FRRS1L: variants seen among roughly 807,000 people sequenced by gnomAD.
FRRS1L encodes ferric chelate reductase 1 like, also known as DOMON domain-containing protein FRRS1L.
Under a neutral mutation model 28.6 loss-of-function variants are expected in FRRS1L, and 22 were observed. That is an observed-to-expected ratio of 0.77 (90% CI 0.55 to 1.10). FRRS1L has a LOEUF of 1.10. FRRS1L is among the 50% of genes least tolerant of loss of function. The probability of loss-of-function intolerance (pLI) is 0.00; values close to 1 mark genes in which losing one functional copy is unlikely to be tolerated. For missense variants in FRRS1L, 380 were observed against 386.9 expected, an observed-to-expected ratio of 0.98 and a Z score of 0.15; for synonymous variants, 158 against 151.4, an observed-to-expected ratio of 1.04 and a Z score of -0.32.
intron 1 of FRRS1L, among the ~76,000 whole-genome samples, chr9:109,157,574 G>A (rs1430270606): frequency 6.6e-6 from 1 of 151,864 alleles, no homozygotes; most frequent in African/African-American, 2.4e-5. Flanking sequence ...TTTTTGTAGG[G>A]AATATGTTGC....
chr9:109,160,959 A>G (rs776520331), intron 1 of FRRS1L, among the ~76,000 whole-genome samples: 2 of 151,674 alleles, frequency 1.3e-5, no homozygotes, highest in Non-Finnish European at 2.9e-5. Context: ...TGCCCGGCTA[A>G]TTTTTGTATT....
At chr9:109,144,608 A>G (rs1588098317) in intron 3 of FRRS1L, among the ~76,000 whole-genome samples, 1 of 151,688 alleles carries the variant, frequency 6.6e-6, no homozygotes, top group South Asian at 2.1e-4. Context: ...CAAGCAATCC[A>G]CCTGCTTCAG....
At chr9:109,137,790 A>C in intron 4 of FRRS1L, 163 bp from the exon 5 acceptor site, 1 of 395,378 alleles carries the variant, frequency 2.5e-6, no homozygotes, top group Non-Finnish European at 4.5e-6. Flanking sequence ...ATTCTCTATC[A>C]TTGTACATAT....
chr9:109,160,017 A>G (rs1236450206), intron 1 of FRRS1L, among the ~76,000 whole-genome samples: 2 of 152,182 alleles, frequency 1.3e-5, no homozygotes, highest in African/African-American at 4.8e-5. Flanking sequence ...TTTTCAAAGA[A>G]TCACTTTAGG....
chr9:109,147,298 T>C (rs1025609064), intron 2 of FRRS1L, 109 bp from the exon 3 acceptor site: 6 of 923,630 alleles, frequency 6.5e-6, no homozygotes, highest in Non-Finnish European at 1.0e-5. Flanking sequence ...TTAAACACAT[T>C]GGATTTTTGC....
rs530697862 is a variant in FRRS1L at position 109,151,383 on chromosome 9, C to G, written c.239-1663G>C. 458 of 153,712 alleles carry G rather than the reference C, an allele frequency of 3.0e-3. 3 individuals are homozygous for G. Among genetic ancestry groups the G allele is most frequent in the Non-Finnish European group, 3.9e-3 (271 of 69,028 alleles). The allele number at this position is 153,712 out of a possible 1,614,324, so 9.5% of individuals were successfully genotyped here. On this transcript the variant is annotated intron_variant, in intron 1 of 4. Coordinates refer to ENST00000561981, the MANE Select transcript of FRRS1L (RefSeq NM_014334.4). ...CTTCACCTGTATTTATAGCCACTCCCCATGGCTTGCATAACTGCCTGAGCT... is the reference window on the plus strand; with the variant it reads ...CTTCACCTGTATTTATAGCCACTCCGCATGGCTTGCATAACTGCCTGAGCT...
rs1343211153 is a variant in FRRS1L, at chr9:109,131,107, CAAAG to C, written c.*6344_*6347del. ...GCAAGTCTTTTATTAAATATAAAAA[CAAAG>C]AAATCTACCTTGAAACTAAATAACT... is the stretch of plus-strand genomic sequence containing the variant. On this transcript the variant is annotated 3_prime_UTR_variant, in exon 5 of 5. Coordinates refer to ENST00000561981, the MANE Select transcript of FRRS1L (RefSeq NM_014334.4). The C allele has an allele frequency of 7.9e-5, 12 of 152,242 alleles. No homozygotes were observed. Among genetic ancestry groups the C allele is most frequent in the Admixed American group, 2.6e-4 (4 of 15,284 alleles). The allele number at this position is 152,242 out of a possible 1,614,324, so 9.4% of individuals were successfully genotyped here. A position where few individuals can be genotyped will look rare whatever the true frequency, so the allele number is the denominator to read the frequency against.
chr9:109,164,545 T>C (rs1203764151), intron 1 of FRRS1L, among the ~76,000 whole-genome samples: 5 of 151,988 alleles, frequency 3.3e-5, no homozygotes, highest in Non-Finnish European at 7.4e-5. Context: ...ATTACAGGCG[T>C]GCACCACCAC....
At chr9:109,142,510 AT>A (rs201338767) in intron 3 of FRRS1L, among the ~76,000 whole-genome samples, 4 of 151,848 alleles carry the variant, frequency 2.6e-5, no homozygotes, top group African/African-American at 2.4e-5. Flanking sequence ...TCTCAAAAAA[AT>A]AAAATAAAAT....
intron 4 of FRRS1L, chr9:109,138,332 T>G (rs527936709): frequency 1.3e-5 from 2 of 152,378 alleles, no homozygotes; most frequent in East Asian, 3.9e-4. Flanking sequence ...AAGTACAGAC[T>G]GTGTGTAAAA....
At chr9:109,154,897 T>C (rs1205472405) in intron 1 of FRRS1L, among the ~76,000 whole-genome samples, 1 of 152,224 alleles carries the variant, frequency 6.6e-6, no homozygotes, top group Non-Finnish European at 1.5e-5. Flanking sequence ...CCATTCTATG[T>C]AGCATGGAAT....
intron 1 of FRRS1L, among the ~76,000 whole-genome samples, chr9:109,153,690 T>C (rs1289229493): frequency 2.0e-5 from 3 of 152,202 alleles, no homozygotes; most frequent in Non-Finnish European, 4.4e-5. Flanking sequence ...GACAATCTTA[T>C]TGTGAACTGT....
chr9:109,159,027 A>T (rs961613249), intron 1 of FRRS1L, among the ~76,000 whole-genome samples: 1 of 152,182 alleles, frequency 6.6e-6, no homozygotes, highest in African/African-American at 2.4e-5. Context: ...GTGAAATGGT[A>T]TCTCTTTATG....
At chr9:109,142,150 T>A (rs1477216679) in intron 3 of FRRS1L, among the ~76,000 whole-genome samples, 1 of 152,134 alleles carries the variant, frequency 6.6e-6, no homozygotes, top group Non-Finnish European at 1.5e-5. Context: ...ACTTCCTGAA[T>A]TTAATAAACT....
intron 1 of FRRS1L, among the ~76,000 whole-genome samples, chr9:109,155,883 C>T (rs932839123): frequency 5.3e-5 from 8 of 150,638 alleles, no homozygotes; most frequent in African/African-American, 1.7e-4. Context: ...GATGCACAAC[C>T]CTGTGAATAT....
At chr9:109,141,806 C>G (rs919272510) in intron 3 of FRRS1L, among the ~76,000 whole-genome samples, 1 of 152,062 alleles carries the variant, frequency 6.6e-6, no homozygotes, top group Non-Finnish European at 1.5e-5. Flanking sequence ...GACATTACCA[C>G]CTATGTGGTA....
At chr9:109,143,850 G>C (rs1831220739) in intron 3 of FRRS1L, among the ~76,000 whole-genome samples, 1 of 152,030 alleles carries the variant, frequency 6.6e-6, no homozygotes, top group African/African-American at 2.4e-5. Context: ...TTTTAAAAAG[G>C]GGTTCCATTT....
At chr9:109,161,128 C>T (rs1257958860) in intron 1 of FRRS1L, among the ~76,000 whole-genome samples, 1 of 152,064 alleles carries the variant, frequency 6.6e-6, no homozygotes, top group African/African-American at 2.4e-5. Flanking sequence ...CCTGACACTA[C>T]TCCCCAGCAT....
At chr9:109,154,259 G>C (rs1034555183) in intron 1 of FRRS1L, among the ~76,000 whole-genome samples, 5 of 152,312 alleles carry the variant, frequency 3.3e-5, no homozygotes, top group Middle Eastern at 3.4e-3. Context: ...CCCAAGGATG[G>C]TAACTTTCCT....
Sources: allele counts gnomAD v4.1 joint callset (sites outside exome capture counted in the v4.1 genomes callset), GRCh38; gene constraint gnomAD v4.1.1; transcripts MANE v1.5; gene names NCBI Gene and HGNC (gene_info 2026-07-23, HGNC 2026-07-21).